The following SRRM3 variants were observed in gnomAD, a reference collection of about 807,000 sequenced individuals.
SRRM3 encodes the protein serine/arginine repetitive matrix protein 3.
SRRM3 carries 27 observed loss-of-function variants against 66.2 expected under a neutral mutation model. That is an observed-to-expected ratio of 0.41 (90% CI 0.30 to 0.56). The LOEUF (loss-of-function observed/expected upper bound fraction) is 0.56. SRRM3 is among the 20% of genes least tolerant of loss of function. SRRM3 has a pLI of 0.32. For missense variants in SRRM3, 918 were observed against 991.9 expected, an observed-to-expected ratio of 0.93 and a Z score of 1.00; for synonymous variants, 391 against 414.9, an observed-to-expected ratio of 0.94 and a Z score of 0.70.
intron 1 of SRRM3, among the ~76,000 whole-genome samples, chr7:76,228,655 C>T (rs959042672): frequency 6.6e-6 from 1 of 151,994 alleles, no homozygotes; most frequent in Admixed American, 6.6e-5. Flanking sequence ...ACCTGAGAGG[C>T]GGAGGTTGCA....
At position 76,235,047 on chromosome 7, in the gene SRRM3, C is replaced by T. The variant is rs782810301; in HGVS notation, c.-20C>T. 2 of 1,541,820 alleles carry T rather than the reference C, an allele frequency of 1.3e-6. No homozygotes were observed. The highest frequency in any genetic ancestry group is 2.4e-5 in the East Asian group (1 of 40,916). ...CCTCAGGGCCAGCGGCCCAGGCCAG[C>T]GGCTCCAGGGCCAGCCACGATGTCC... On this transcript the variant is annotated 5_prime_UTR_variant, in exon 2 of 15. Coordinates refer to ENST00000611745, the MANE Select transcript of SRRM3 (RefSeq NM_001110199.3).
chr7:76,227,949 A>G (rs782813830), intron 1 of SRRM3, among the ~76,000 whole-genome samples: 6 of 152,132 alleles, frequency 3.9e-5, no homozygotes, highest in Non-Finnish European at 7.4e-5. Flanking sequence ...AGGTCACTGC[A>G]ACCTCCACCT....
intron 1 of SRRM3, among the ~76,000 whole-genome samples, chr7:76,202,583 C>T (rs1800179850): frequency 6.6e-6 from 1 of 152,090 alleles, no homozygotes; most frequent in Non-Finnish European, 1.5e-5. Flanking sequence ...AACTGGGTCT[C>T]ACAGGATGGC....
intron 2 of SRRM3, among the ~76,000 whole-genome samples, chr7:76,241,467 G>A (rs1320999631): frequency 6.6e-6 from 1 of 152,082 alleles, no homozygotes; most frequent in South Asian, 2.1e-4. Flanking sequence ...CACTGCTCTG[G>A]GACAGATAAG....
chr7:76,239,856 C>A (rs1323277144), intron 2 of SRRM3, among the ~76,000 whole-genome samples: 1 of 151,912 alleles, frequency 6.6e-6, no homozygotes, highest in Non-Finnish European at 1.5e-5. Context: ...ATAGGGAGAC[C>A]CTGTCTGTAC....
intron 1 of SRRM3, among the ~76,000 whole-genome samples, chr7:76,223,745 C>T (rs1391194905): frequency 6.6e-6 from 1 of 152,002 alleles, no homozygotes; most frequent in Non-Finnish European, 1.5e-5. Context: ...AATGCAGTTT[C>T]CTGGATCATA....
At chr7:76,214,769 T>C (rs1800515963) in intron 1 of SRRM3, among the ~76,000 whole-genome samples, 2 of 151,998 alleles carry the variant, frequency 1.3e-5, no homozygotes, top group Non-Finnish European at 2.9e-5. Flanking sequence ...AAACTTTCCT[T>C]TTTGTAAAAA....
At chr7:76,212,867 T>A (rs1800468187) in intron 1 of SRRM3, among the ~76,000 whole-genome samples, 1 of 152,104 alleles carries the variant, frequency 6.6e-6, no homozygotes, top group South Asian at 2.1e-4. Flanking sequence ...TCGCCTGGAA[T>A]GCCCTTCCTC....
Position 76,285,396 on chromosome 7 carries a change from G to A in SRRM3, c.1734-219G>A, listed in dbSNP as rs1394473520. On this transcript the variant is annotated intron_variant, in intron 14 of 14. Coordinates refer to ENST00000611745, the MANE Select transcript of SRRM3 (RefSeq NM_001110199.3). The surrounding 1 kb of genome is among the most constrained non-coding windows in gnomAD (Gnocchi z 4.1). ...GTATTTATTAGCAGGTGTTCGGATCGGGCAGAGACATGGTCTCCTTTCCCT... is the reference window on the plus strand; with the variant it reads ...GTATTTATTAGCAGGTGTTCGGATCAGGCAGAGACATGGTCTCCTTTCCCT... 1.4e-5 allele frequency: 8 copies of A among 577,314 alleles called. No individual in the cohort carries two copies. Among genetic ancestry groups the A allele is most frequent in the Admixed American group, 6.2e-5 (2 of 32,242 alleles). The allele number at this position is 577,314 out of a possible 1,614,324, so 35.8% of individuals were successfully genotyped here.
At chr7:76,232,422 A>C (rs1262705583) in intron 1 of SRRM3, among the ~76,000 whole-genome samples, 2 of 152,068 alleles carry the variant, frequency 1.3e-5, no homozygotes, top group Non-Finnish European at 2.9e-5. Flanking sequence ...AAATACAAAA[A>C]TTAGCCGGGC....
chr7:76,233,761 G>A (rs1374291665), intron 1 of SRRM3, among the ~76,000 whole-genome samples: 1 of 152,134 alleles, frequency 6.6e-6, no homozygotes, highest in Non-Finnish European at 1.5e-5. Flanking sequence ...GCAAGGAGTG[G>A]AGAAGCGCAG....
At chr7:76,262,962 C>A (rs1554608984) in intron 8 of SRRM3, among the ~76,000 whole-genome samples, 1 of 152,166 alleles carries the variant, frequency 6.6e-6, no homozygotes, top group Non-Finnish European at 1.5e-5. Context: ...TCCAGCAGCC[C>A]AGAGGAAGGG....
At position 76,281,477 on chromosome 7, in the gene SRRM3, G is replaced by A; in HGVS notation, c.1045G>A (p.Ala349Thr). 1 of 1,230,134 alleles carries A rather than the reference G, an allele frequency of 8.1e-7. No individual in the cohort carries two copies. Among genetic ancestry groups the A allele is most frequent in the Non-Finnish European group, 1.0e-6 (1 of 982,432 alleles). 76.2% of individuals were successfully genotyped at this position (1,230,134 alleles called of 1,614,324 possible). The change falls in exon 12 of 15, where the codon GCG becomes ACG. Residue 349 changes from alanine to threonine, a missense_variant. Coordinates refer to ENST00000611745, the MANE Select transcript of SRRM3 (RefSeq NM_001110199.3). The stretch of plus-strand genomic sequence containing the variant: ...GCCCTCGCCCAGGGTCCGTGACAAG[G>A]CGGCGGCCGCCGCACCCACGCCGCC... ...SSPSPRVRDK[A>T]AAAAPTPPAR...
chr7:76,235,213 C>G lies in SRRM3; in HGVS notation c.147C>G (p.Arg49=). The change falls in exon 2 of 15, where the codon CGC becomes CGG. Residue 49 remains arginine, a synonymous_variant. Coordinates refer to ENST00000611745, the MANE Select transcript of SRRM3 (RefSeq NM_001110199.3). ...CCGCGGAGCCGGGCCTGGTGAAGCGCGCGCACCGCGAGATCCTGGACCACG... is the reference window on the plus strand; with the variant it reads ...CCGCGGAGCCGGGCCTGGTGAAGCGGGCGCACCGCGAGATCCTGGACCACG... ...LRAAEPGLVK[R]AHREILDHER... 2 of 1,551,958 alleles carry G rather than the reference C, an allele frequency of 1.3e-6. No individual in the cohort carries two copies. Among genetic ancestry groups the G allele is most frequent in the Non-Finnish European group, 1.7e-6 (2 of 1,157,360 alleles).
intron 3 of SRRM3, among the ~76,000 whole-genome samples, chr7:76,251,097 C>T (rs560271579): frequency 3.9e-5 from 6 of 152,220 alleles, no homozygotes; most frequent in African/African-American, 9.6e-5. Flanking sequence ...TGAGGAAGAG[C>T]GTGCTGCCGG....
chr7:76,281,769 G>T lies in SRRM3; in HGVS notation c.1337G>T (p.Gly446Val). 7.2e-7 allele frequency: 1 copy of T among 1,387,828 alleles called. No homozygotes were observed. The highest frequency in any genetic ancestry group is 9.3e-7 in the Non-Finnish European group (1 of 1,070,004). 86.0% of individuals were successfully genotyped at this position (1,387,828 alleles called of 1,614,324 possible). ...RGAPGPGPEP[G>V]SERGHGGHGK... ...GCCCCCGGCCCCGGGCCCGAGCCCG[G>T]CTCTGAGCGAGGCCACGGCGGACAC... is the stretch of plus-strand genomic sequence containing the variant. Residue 446 changes from glycine (G) to valine (V), a missense_variant, in exon 12 of 15, where the codon GGC becomes GTC. Gly to Val is a moderately radical substitution (Grantham distance 109, BLOSUM62 -3). Transcript: ENST00000611745.
chr7:76,281,369 TTC>T (rs1802500001), intron 11 of SRRM3, 70 bp from the exon 12 acceptor site: 8 of 1,088,416 alleles, frequency 7.4e-6, no homozygotes, highest in Non-Finnish European at 6.9e-6. Context: ...GTCTCCTCTC[TTC>T]TCTCTCTGTC....
In SRRM3 at chr7:76,243,675, C is replaced by G. The variant is rs74441475; in HGVS notation, c.234-4513C>G. On this transcript the variant is annotated intron_variant, in intron 2 of 14. Transcript: ENST00000611745. ...GGCCTGAAACCCCCTGCCAGCCCCC[C>G]ACAAGCAGCTGGGGAATGGCCCACC... Among the ~76,000 whole-genome samples, 200 of 152,326 alleles carry G rather than the reference C, an allele frequency of 1.3e-3. 9 individuals carry two copies. In the South Asian group the frequency reaches 0.037, roughly 28 times the overall value.
Position 76,285,923 on chromosome 7 carries a change from G to C in SRRM3, c.*80G>C. ...GCCCCAGGACCCCAGTGGGGAGGGG[G>C]CTATATCTCCTTGCCCCCAAGGCTA... is the stretch of plus-strand genomic sequence containing the variant. On this transcript the variant is annotated 3_prime_UTR_variant, in exon 15 of 15. Coordinates refer to ENST00000611745, the MANE Select transcript of SRRM3 (RefSeq NM_001110199.3). The surrounding 1 kb of genome is among the most constrained non-coding windows in gnomAD (Gnocchi z 4.1). 2 of 1,406,360 alleles carry C rather than the reference G, an allele frequency of 1.4e-6. No individual in the cohort carries two copies. The highest frequency in any genetic ancestry group is 9.6e-7 in the Non-Finnish European group (1 of 1,045,726). The allele number at this position is 1,406,360 out of a possible 1,614,324, so 87.1% of individuals were successfully genotyped here.
Sources: allele counts gnomAD v4.1 joint callset (sites outside exome capture counted in the v4.1 genomes callset), GRCh38; gene constraint gnomAD v4.1.1; non-coding constraint Gnocchi (gnomAD v3.1); transcripts MANE v1.5; gene names NCBI Gene and HGNC (gene_info 2026-07-23, HGNC 2026-07-21).